The following CCNE1 variants were observed in gnomAD, a reference collection of about 807,000 sequenced individuals.
CCNE1 encodes the protein G1/S-specific cyclin-E1.
CCNE1 carries 8 observed loss-of-function variants against 54.1 expected under a neutral mutation model. The observed-to-expected ratio is 0.15, with a 90% confidence interval of 0.09 to 0.27. The LOEUF is 0.27. CCNE1 is among the 10% of genes least tolerant of loss of function. CCNE1 has a pLI of 1.00. For synonymous variants in CCNE1, 179 were observed against 185.2 expected (o/e 0.97, Z 0.27); for missense variants, 430 against 514.9 (o/e 0.84, Z 1.60).
rs371277614 is a variant in CCNE1, at chr19:29,822,549, C to T, written c.1056C>T (p.Val352=). The change falls in exon 11 of 12, where the codon GTC becomes GTT. Residue 352 remains valine (V), a synonymous_variant. Coordinates refer to ENST00000262643, the MANE Select transcript of CCNE1 (RefSeq NM_001238.4). ...GSSKLKHFRG[V]ADEDAHNIQT... ...CAAAACTGAAGCACTTCAGGGGCGT[C>T]GCTGATGAAGATGCACACAACATAC... is the stretch of plus-strand genomic sequence containing the variant. 23 of 1,613,948 alleles carry T rather than the reference C, an allele frequency of 1.4e-5. No individual in the cohort carries two copies. The highest frequency in any genetic ancestry group is 2.7e-5 in the African/African-American group (2 of 74,892).
At chr19:29,812,921 T>C in intron 3 of CCNE1, 48 bp from the exon 4 acceptor site, 1 of 1,609,226 alleles carries the variant, frequency 6.2e-7, no homozygotes. Context: ...TCTGTTTTTG[T>C]CTTGTTTGGT....
At chr19:29,815,746 A>T (rs1227215727) in intron 4 of CCNE1, among the ~76,000 whole-genome samples, 1 of 150,152 alleles carries the variant, frequency 6.7e-6, no homozygotes. Context: ...CTCCTGCTTC[A>T]GCCTCCCGAG....
At position 29,822,496 on chromosome 19, in the gene CCNE1, G is replaced by T; in HGVS notation, c.1003G>T (p.Ala335Ser). Residue 335 changes from alanine (A) to serine (S), a missense_variant, in exon 11 of 12, where the codon GCC becomes TCC. Ala to Ser is a moderately conservative substitution (Grantham distance 99). Transcript: ENST00000262643. ...CTGTGTCAAGTGGATGGTTCCATTT[G>T]CCATGGTTATAAGGGAGACGGGGAG... ...ENCVKWMVPF[A>S]MVIRETGSSK... 2 of 1,614,110 alleles carry T rather than the reference G, an allele frequency of 1.2e-6. No homozygotes were observed. The highest frequency in any genetic ancestry group is 1.7e-6 in the Non-Finnish European group (2 of 1,180,012).
chr19:29,824,031 A>G lies in CCNE1; in HGVS notation c.*254A>G, dbSNP rs773867144. 12 of 381,520 alleles carry G rather than the reference A, an allele frequency of 3.1e-5. No individual in the cohort carries two copies. The highest frequency in any genetic ancestry group is 5.2e-5 in the Non-Finnish European group (11 of 212,904). The allele number at this position is 381,520 out of a possible 1,614,324, so 23.6% of individuals were successfully genotyped here. ...ACCAGTGCGTGCTCCCGATGCTGCT[A>G]TGGAAGGTGCTACTTGACCTAAGGG... On this transcript the variant is annotated 3_prime_UTR_variant, in exon 12 of 12. Coordinates refer to ENST00000262643, the MANE Select transcript of CCNE1 (RefSeq NM_001238.4).
chr19:29,822,837 G>A (rs941120888), intron 11 of CCNE1, among the ~76,000 whole-genome samples: 5 of 151,942 alleles, frequency 3.3e-5, no homozygotes, highest in East Asian at 3.9e-4. Flanking sequence ...CCAGCTACTC[G>A]AGAGGCTAAG....
At chr19:29,813,753 A>T (rs1472436747) in intron 4 of CCNE1, among the ~76,000 whole-genome samples, 1 of 152,132 alleles carries the variant, frequency 6.6e-6, no homozygotes, top group African/African-American at 2.4e-5. Flanking sequence ...TGTGATAATC[A>T]TTATAATATC....
intron 11 of CCNE1, among the ~76,000 whole-genome samples, chr19:29,822,889 C>T (rs559091270): frequency 6.6e-5 from 10 of 151,234 alleles, no homozygotes; most frequent in African/African-American, 1.7e-4. Context: ...GGTTGCAGTG[C>T]GTTGAGATCA....
At chr19:29,823,190 T>TC (rs1389879549) in intron 11 of CCNE1, among the ~76,000 whole-genome samples, 3 of 152,158 alleles carry the variant, frequency 2.0e-5, no homozygotes, top group Non-Finnish European at 2.9e-5. Flanking sequence ...GCAGAAGGAC[T>TC]GCTTAAGCTC....
intron 6 of CCNE1, among the ~76,000 whole-genome samples, chr19:29,818,961 C>T (rs1217549894): frequency 1.3e-5 from 2 of 152,100 alleles, no homozygotes; most frequent in African/African-American, 4.8e-5. Flanking sequence ...GGGGTTTCCT[C>T]CATGTTGGTC....
Position 29,812,753 on chromosome 19 carries a change from A to C in CCNE1, c.88A>C (p.Lys30Gln). ...CGCGGAGTTCTCGGCTCGCTCCAGG[A>C]AGAGGAAGGCAAACGTGACCGTTGT... ...GGAEFSARSR[K>Q]RKANVTVFLQ... Residue 30 changes from lysine (K) to glutamine (Q), a missense_variant, in exon 3 of 12, where the codon AAG (lysine) becomes CAG (glutamine). This residue lies in a region of CCNE1 where 127 missense variants were observed against 113.8 expected (regional missense o/e 1.12). Transcript: ENST00000262643. 2 of 1,593,940 alleles carry C rather than the reference A, an allele frequency of 1.3e-6. No individual in the cohort carries two copies. Among genetic ancestry groups the C allele is most frequent in the Non-Finnish European group, 1.7e-6 (2 of 1,172,098 alleles).
chr19:29,822,157 G>T (rs1599604027), intron 9 of CCNE1, 27 bp downstream of exon 9: 2 of 1,611,692 alleles, frequency 1.2e-6, no homozygotes, highest in Non-Finnish European at 1.7e-6. Context: ...CGTCCGTGGG[G>T]CCACCTTCCC....
At chr19:29,812,441 TG>T (rs1251226889) in intron 1 of CCNE1, 90 bp from the exon 2 acceptor site, 14 of 924,836 alleles carry the variant, frequency 1.5e-5, no homozygotes, top group Non-Finnish European at 1.9e-5. Flanking sequence ...GCCATCTTCC[TG>T]GCTCGCCCGG....
At chr19:29,818,127 T>C (rs760512008) in intron 6 of CCNE1, among the ~76,000 whole-genome samples, 101 of 150,526 alleles carry the variant, frequency 6.7e-4, no homozygotes, top group Non-Finnish European at 1.2e-3. Flanking sequence ...CCCGGGTTCA[T>C]GCCATTCTCC....
At chr19:29,812,465 A>C in intron 1 of CCNE1, 67 bp from the exon 2 acceptor site, 1 of 1,090,056 alleles carries the variant, frequency 9.2e-7, no homozygotes, top group Non-Finnish European at 1.1e-6. Flanking sequence ...GCCCGCGCGC[A>C]AAGGGGGAAG....
At chr19:29,820,648 C>A in intron 6 of CCNE1, 54 bp from the exon 7 acceptor site, 2 of 1,092,076 alleles carry the variant, frequency 1.8e-6, no homozygotes, top group Non-Finnish European at 2.6e-6. Flanking sequence ...TTTTTTTTTT[C>A]CCCTCCCTCA....
chr19:29,824,096 C>T lies in CCNE1; in HGVS notation c.*319C>T, dbSNP rs112118851. 661 of 294,728 alleles carry T rather than the reference C, an allele frequency of 2.2e-3. 2 individuals carry two copies. Among genetic ancestry groups the T allele is most frequent in the African/African-American group, 0.013 (604 of 47,224 alleles). The allele number at this position is 294,728 out of a possible 1,614,324, so 18.3% of individuals were successfully genotyped here. A position where few individuals can be genotyped will look rare whatever the true frequency, so the allele number is the denominator to read the frequency against. ...AAAAGCTTGAAGCTGTGGAGGGCCA[C>T]GGTGGCGTGGCTCTCCTCGCAGGTG... On this transcript the variant is annotated 3_prime_UTR_variant, in exon 12 of 12. Coordinates refer to ENST00000262643, the MANE Select transcript of CCNE1 (RefSeq NM_001238.4).
chr19:29,823,619 A>G (rs2050926230), intron 11 of CCNE1, 36 bp from the exon 12 acceptor site: 1 of 1,598,264 alleles, frequency 6.3e-7, no homozygotes, highest in South Asian at 1.1e-5. Context: ...GATATGTTCT[A>G]CTCTAATGTG....
intron 8 of CCNE1, 62 bp from the exon 9 acceptor site, chr19:29,821,934 A>C (rs986441387): frequency 1.3e-6 from 2 of 1,566,228 alleles, no homozygotes; most frequent in Non-Finnish European, 1.7e-6. Context: ...GGCATGGAAC[A>C]TGGCTGCATT....
rs779134402 is a variant in CCNE1, at chr19:29,817,143, G to T, written c.187G>T (p.Asp63Tyr). The change falls in exon 5 of 12, where the codon GAC (aspartate) becomes TAC (tyrosine). Residue 63 changes from aspartate (D) to tyrosine (Y), a missense_variant. Physicochemically the swap from Asp to Tyr is radical, Grantham distance 160. Around this residue, in one of 2 missense-constraint regions of CCNE1, gnomAD observed 127 missense variants for 113.8 expected, o/e 1.12. Coordinates refer to ENST00000262643, the MANE Select transcript of CCNE1 (RefSeq NM_001238.4). The stretch of plus-strand genomic sequence containing the variant: ...GTGTATTTTTCATTTACAGCCTTGG[G>T]ACAATAATGCAGTCTGTGCAGACCC... The part of the protein sequence containing the change: ...ARDQCGSQPW[D>Y]NNAVCADPCS... 11 of 1,613,762 alleles carry T rather than the reference G, an allele frequency of 6.8e-6. No homozygotes were observed. The Admixed American group carries it at 1.0e-4, about 15-fold the overall frequency.
Sources: allele counts gnomAD v4.1 joint callset (sites outside exome capture counted in the v4.1 genomes callset), GRCh38; gene constraint gnomAD v4.1.1; regional missense constraint gnomAD v4.1.1; transcripts MANE v1.5; gene names NCBI Gene and HGNC (gene_info 2026-07-23, HGNC 2026-07-21).